The following CDH26 variants were observed in gnomAD, a reference collection of about 807,000 sequenced individuals.
CDH26 encodes the protein cadherin-like protein 26.
CDH26 carries 83 observed loss-of-function variants against 90.3 expected under a neutral mutation model. That is an observed-to-expected ratio of 0.92 (90% CI 0.77 to 1.10). CDH26 has a LOEUF of 1.10. Ranked by LOEUF, CDH26 falls within the 50% of genes least tolerant of loss-of-function variation. The pLI, the probability that CDH26 is intolerant of heterozygous loss-of-function variation, is 0.00. For missense variants in CDH26, 1,013 were observed against 1,037.6 expected (o/e 0.98, Z 0.33); for synonymous variants, 397 against 396.3 (o/e 1.00, Z -0.02).
chr20:59,972,008 G>A lies in CDH26; in HGVS notation c.278G>A (p.Ser93Asn). The change falls in exon 4 of 18, where the codon AGT (serine) becomes AAT (asparagine). Residue 93 changes from serine to asparagine, a missense_variant. Ser to Asn is a conservative substitution (Grantham distance 46). Coordinates refer to ENST00000348616, the MANE Select transcript of CDH26 (RefSeq NM_177980.4). ...AACATGTCACTAATGTATCTAATCA[G>A]TGGACCTGGTGTGGATGAATATCCA... ...SYNMSLMYLISGPGVDEYPEI... is the reference protein window; with the variant it reads ...SYNMSLMYLINGPGVDEYPEI... 6.2e-7 allele frequency: 1 copy of A among 1,613,854 alleles called. No homozygotes were observed. Among genetic ancestry groups the A allele is most frequent in the African/African-American group, 1.3e-5 (1 of 75,010 alleles).
intron 8 of CDH26, among the ~76,000 whole-genome samples, chr20:59,988,536 T>C (rs2061485969): frequency 6.6e-6 from 1 of 152,186 alleles, no homozygotes; most frequent in South Asian, 2.1e-4. Flanking sequence ...ACTGACCACT[T>C]TGTACCCTGA....
At position 59,958,489 on chromosome 20, in the gene CDH26, T is replaced by G. The variant is rs1375666865; in HGVS notation, c.-238T>G. On this transcript the variant is annotated 5_prime_UTR_variant, in exon 1 of 18. Transcript: ENST00000348616. ...TTTCTACCCCACCCTTCCTAGGAAC[T>G]CTACTTGTGGCAAACGTATGTTCAA... The G allele has an allele frequency of 1.9e-6, 1 of 528,662 alleles. No individual in the cohort carries two copies. Among genetic ancestry groups the G allele is most frequent in the Non-Finnish European group, 3.4e-6 (1 of 294,586 alleles). The allele number at this position is 528,662 out of a possible 1,614,324, so 32.7% of individuals were successfully genotyped here.
intron 13 of CDH26, among the ~76,000 whole-genome samples, chr20:59,998,507 G>A (rs949940430): frequency 6.6e-6 from 1 of 152,214 alleles, no homozygotes; most frequent in Non-Finnish European, 1.5e-5. Context: ...TGGTGGCACT[G>A]GTCAAAGACC....
chr20:60,018,249 A>G (rs2061921904), downstream of CDH26, among the ~76,000 whole-genome samples: 1 of 152,016 alleles, frequency 6.6e-6, no homozygotes, highest in South Asian at 2.1e-4. Context: ...CTGCCTTTAG[A>G]TCTAATAATA....
At chr20:60,024,013 A>G (rs1010779655) in intron 7 of CDH26, among the ~76,000 whole-genome samples, 2 of 152,154 alleles carry the variant, frequency 1.3e-5, no homozygotes, top group Non-Finnish European at 2.9e-5. Flanking sequence ...ATGGAGGCCC[A>G]TAAGGAAAAA....
At chr20:59,997,000 C>T (rs2061606888) in intron 13 of CDH26, among the ~76,000 whole-genome samples, 1 of 152,150 alleles carries the variant, frequency 6.6e-6, no homozygotes, top group South Asian at 2.1e-4. Context: ...TTCATCAATG[C>T]CTGGAGACAG....
intron 14 of CDH26, 115 bp downstream of exon 14, chr20:59,999,778 T>G (rs2061651112): frequency 2.2e-6 from 2 of 900,552 alleles, no homozygotes; most frequent in Admixed American, 4.2e-5. Flanking sequence ...AGGTTCTTCT[T>G]CAAGTCAGCA....
intron 7 of CDH26, among the ~76,000 whole-genome samples, chr20:60,022,421 CA>C (rs1174667444): frequency 6.6e-6 from 1 of 152,188 alleles, no homozygotes; most frequent in Non-Finnish European, 1.5e-5. Flanking sequence ...TGTGCAATAA[CA>C]ATCTGATTGG....
Position 60,002,801 on chromosome 20 carries a change from T to C in CDH26, c.2167-12T>C. ...TTATTTGAAATCAGTAAATATTTCA[T>C]CTTTCTTTAAGGGTTATGGCAAGCC... On this transcript the variant is annotated splice_polypyrimidine_tract_variant and intron_variant, in intron 15 of 17. Coordinates refer to ENST00000348616, the MANE Select transcript of CDH26 (RefSeq NM_177980.4). The C allele has an allele frequency of 6.3e-7, 1 of 1,582,466 alleles. No individual in the cohort carries two copies. The highest frequency in any genetic ancestry group is 8.6e-7 in the Non-Finnish European group (1 of 1,161,982).
chr20:60,007,128 C>T (rs1368654251), intron 17 of CDH26, among the ~76,000 whole-genome samples: 1 of 152,110 alleles, frequency 6.6e-6, no homozygotes, highest in Non-Finnish European at 1.5e-5. Context: ...GAACTAATTC[C>T]ATCATGAGGA....
At position 59,992,660 on chromosome 20, in the gene CDH26, T is replaced by A. The variant is rs1177032625; in HGVS notation, c.1426+140T>A. The A allele has an allele frequency of 4.9e-6, 4 of 821,576 alleles. No individual in the cohort carries two copies. The highest frequency in any genetic ancestry group is 7.6e-6 in the Non-Finnish European group (4 of 529,106). The allele number at this position is 821,576 out of a possible 1,614,324, so 50.9% of individuals were successfully genotyped here. A position where few individuals can be genotyped will look rare whatever the true frequency, so the allele number is the denominator to read the frequency against. Reference sequence around the variant, plus strand: ...TATCACTCTGCATCCATGCTGGTGATTATTTTTGGTAATAATTCTTAAAAT... The same window carrying A: ...TATCACTCTGCATCCATGCTGGTGAATATTTTTGGTAATAATTCTTAAAAT... On this transcript the variant is annotated intron_variant, in intron 10 of 17. Transcript: ENST00000348616. The surrounding 1 kb of genome is among the most constrained non-coding windows in gnomAD (Gnocchi z 5.0).
intron 3 of CDH26, among the ~76,000 whole-genome samples, 157 bp from the exon 4 acceptor site, chr20:59,971,805 C>T (rs948935713): frequency 4.6e-5 from 7 of 152,150 alleles, no homozygotes; most frequent in Non-Finnish European, 1.5e-5. Context: ...CATCATTGTT[C>T]CTGCATCTCA....
chr20:60,008,611 G>A (rs930642942), intron 17 of CDH26, among the ~76,000 whole-genome samples: 7 of 152,206 alleles, frequency 4.6e-5, no homozygotes, highest in African/African-American at 1.7e-4. Flanking sequence ...GGTTGTCAGA[G>A]TGGATGACAG....
At chr20:60,029,263 G>GGCACCTATAGTCAACAACGTA (rs2062021879) in intron 7 of CDH26, among the ~76,000 whole-genome samples, 1 of 151,110 alleles carries the variant, frequency 6.6e-6, no homozygotes, top group East Asian at 2.0e-4. Flanking sequence ...TGCACAACGT[G>GGCACCTATAGTCAACAACGTA]GCACCTATAG....
intron 4 of CDH26, among the ~76,000 whole-genome samples, chr20:59,975,393 G>A (rs926562904): frequency 1.2e-4 from 18 of 152,140 alleles, no homozygotes; most frequent in Admixed American, 9.2e-4. Flanking sequence ...GGAGAGGCCC[G>A]GAAGAGTCTC....
chr20:59,965,075 TA>T (rs920508787), intron 1 of CDH26, among the ~76,000 whole-genome samples: 1 of 152,206 alleles, frequency 6.6e-6, no homozygotes, highest in African/African-American at 2.4e-5. Flanking sequence ...ATCCATTGTC[TA>T]AAAAAATCAG....
At chr20:59,989,937 A>G (rs181211462) in intron 9 of CDH26, among the ~76,000 whole-genome samples, 1 of 152,252 alleles carries the variant, frequency 6.6e-6, no homozygotes, top group African/African-American at 2.4e-5. Flanking sequence ...AAGTGCATTC[A>G]CATCGTTGTG....
At chr20:59,986,754 A>G (rs1469297662) in intron 7 of CDH26, among the ~76,000 whole-genome samples, 3 of 152,142 alleles carry the variant, frequency 2.0e-5, no homozygotes, top group African/African-American at 7.2e-5. Flanking sequence ...TGTTGAATAA[A>G]TGATGCAAAC....
At chr20:59,972,610 G>A (rs2061276500) in intron 4 of CDH26, among the ~76,000 whole-genome samples, 1 of 152,142 alleles carries the variant, frequency 6.6e-6, no homozygotes, top group Non-Finnish European at 1.5e-5. Context: ...CTATGAAGTT[G>A]AAATTCAGGT....
Sources: allele counts gnomAD v4.1 joint callset (sites outside exome capture counted in the v4.1 genomes callset), GRCh38; gene constraint gnomAD v4.1.1; non-coding constraint Gnocchi (gnomAD v3.1); transcripts MANE v1.5; gene names NCBI Gene and HGNC (gene_info 2026-07-23, HGNC 2026-07-21).